SVIL: variants seen among roughly 807,000 people sequenced by gnomAD.
The protein encoded by SVIL is archvillin.
In SVIL, 101 loss-of-function variants were observed where a neutral mutation model predicts 240.4. The observed-to-expected ratio is 0.42, with a 90% confidence interval of 0.36 to 0.50. The LOEUF is 0.50. SVIL is among the 20% of genes least tolerant of loss of function. The pLI, the probability that SVIL is intolerant of heterozygous loss-of-function variation, is 0.01. For synonymous variants in SVIL, 999 were observed against 1,100.0 expected, an observed-to-expected ratio of 0.91 and a Z score of 1.82; for missense variants, 2,512 against 2,818.7, an observed-to-expected ratio of 0.89 and a Z score of 2.46.
Position 29,465,734 on chromosome 10 carries a change from G to C in SVIL, c.5994C>G (p.Asn1998Lys). ...TGAGGATGAACAGGCGGGGCGCGAA[G>C]TTAAAACTTCCAGGATCTTTGAAAG... Reference protein sequence around the residue: ...DCMLQDPGSFNFAPRLFILSS... With the variant: ...DCMLQDPGSFKFAPRLFILSS... The change falls in exon 34 of 38, where the codon AAC (asparagine) becomes AAG (lysine). Residue 1998 changes from asparagine to lysine, a missense_variant. Transcript: ENST00000355867. 4 of 1,612,488 alleles carry C rather than the reference G, an allele frequency of 2.5e-6. No individual in the cohort carries two copies. The highest frequency in any genetic ancestry group is 3.4e-6 in the Non-Finnish European group (4 of 1,179,968).
intron 1 of SVIL, among the ~76,000 whole-genome samples, chr10:29,729,987 C>T (rs963506439): frequency 1.3e-5 from 2 of 151,048 alleles, no homozygotes; most frequent in Non-Finnish European, 2.9e-5. Flanking sequence ...CCAGGGAGCT[C>T]GAGACCAGCC....
At chr10:29,557,300 G>A (rs1954024774) in intron 3 of SVIL, among the ~76,000 whole-genome samples, 1 of 152,106 alleles carries the variant, frequency 6.6e-6, no homozygotes, top group South Asian at 2.1e-4. Flanking sequence ...GTTTCGCTAT[G>A]TTATCCAGGA....
intron 17 of SVIL, among the ~76,000 whole-genome samples, chr10:29,511,650 T>C (rs1387646908): frequency 1.3e-5 from 2 of 152,246 alleles, no homozygotes; most frequent in Non-Finnish European, 2.9e-5. Flanking sequence ...ACTTTCTAAA[T>C]ATCTAGTTAT....
At chr10:29,568,676 T>C (rs947657010) in intron 2 of SVIL, among the ~76,000 whole-genome samples, 3 of 152,134 alleles carry the variant, frequency 2.0e-5, no homozygotes, top group African/African-American at 7.2e-5. Context: ...ATTAGGTCAA[T>C]CAAATTAGCA....
intron 1 of SVIL, among the ~76,000 whole-genome samples, chr10:29,693,198 C>T (rs189403882): frequency 8.6e-5 from 13 of 151,812 alleles, no homozygotes; most frequent in Admixed American, 7.2e-4. Context: ...AACAGCTAAC[C>T]AACTTGCCCA....
chr10:29,549,856 A>G (rs1431603388), intron 6 of SVIL, among the ~76,000 whole-genome samples: 7 of 106,944 alleles, frequency 6.5e-5, no homozygotes, highest in Admixed American at 2.6e-4. Flanking sequence ...GGAACATCAC[A>G]CTCTGGGGAC....
At chr10:29,572,272 A>C (rs1046561298) in intron 1 of SVIL, among the ~76,000 whole-genome samples, 2 of 152,218 alleles carry the variant, frequency 1.3e-5, no homozygotes, top group Non-Finnish European at 2.9e-5. Context: ...AACTCATTAC[A>C]TTATAGTCAT....
chr10:29,463,668 G>A, intron 34 of SVIL, 33 bp from the exon 35 acceptor site: 2 of 1,608,136 alleles, frequency 1.2e-6, no homozygotes, highest in Non-Finnish European at 1.7e-6. Flanking sequence ...AGACCATCAG[G>A]AGCTCCTTCA....
rs199951450 is a variant in SVIL at position 29,532,631 on chromosome 10, T to G, written c.1736A>C (p.Glu579Ala). The change falls in exon 8 of 38, where the codon GAA becomes GCA. Residue 579 changes from glutamate to alanine, a missense_variant. Transcript: ENST00000355867. ...CATGCTGATCTCCCCATAAGGCCCTTCGGTCTTGGAGCTGGGCAGCTCCAG... is the reference window on the plus strand; with the variant it reads ...CATGCTGATCTCCCCATAAGGCCCTGCGGTCTTGGAGCTGGGCAGCTCCAG... ...RELELPSSKTEGPYGEISMLD... is the reference protein window; with the variant it reads ...RELELPSSKTAGPYGEISMLD... 60 of 1,614,084 alleles carry G rather than the reference T, an allele frequency of 3.7e-5. No individual in the cohort carries two copies. In the East Asian group the frequency reaches 1.1e-3, roughly 31 times the overall value.
At chr10:29,590,642 T>G (rs1442871629) in intron 1 of SVIL, among the ~76,000 whole-genome samples, 1 of 152,192 alleles carries the variant, frequency 6.6e-6, no homozygotes, top group African/African-American at 2.4e-5. Flanking sequence ...TTTATATGTT[T>G]TATATTTAAG....
intron 3 of SVIL, among the ~76,000 whole-genome samples, chr10:29,560,901 T>C (rs1321801556): frequency 6.0e-5 from 9 of 150,170 alleles, no homozygotes; most frequent in African/African-American, 2.0e-4. Flanking sequence ...TGCAGTGGCA[T>C]GATCTTGGCT....
At chr10:29,579,534 CCAG>C in intron 1 of SVIL, among the ~76,000 whole-genome samples, 1 of 152,284 alleles carries the variant, frequency 6.6e-6, no homozygotes, top group Admixed American at 6.5e-5. Flanking sequence ...CAGTATGAGT[CCAG>C]GTGAGACGTG....
intron 1 of SVIL, among the ~76,000 whole-genome samples, chr10:29,625,292 C>T (rs1367300118): frequency 6.6e-6 from 1 of 152,098 alleles, no homozygotes; most frequent in African/African-American, 2.4e-5. Flanking sequence ...AAAGTGGATC[C>T]AATGATTTAT....
chr10:29,595,560 G>A (rs955316571), intron 1 of SVIL, among the ~76,000 whole-genome samples: 2 of 152,224 alleles, frequency 1.3e-5, no homozygotes, highest in African/African-American at 2.4e-5. Context: ...TTCACTAATC[G>A]TTTTCTTAAT....
chr10:29,692,024 C>T (rs1388619239), intron 1 of SVIL, among the ~76,000 whole-genome samples: 5 of 152,152 alleles, frequency 3.3e-5, no homozygotes, highest in East Asian at 3.9e-4. Flanking sequence ...GAATCCCTGC[C>T]GCAGCTCACT....
At position 29,484,697 on chromosome 10, in the gene SVIL, G is replaced by A. The variant is rs750874822; in HGVS notation, c.4914C>T (p.Ile1638=). The A allele has an allele frequency of 9.3e-6, 15 of 1,613,850 alleles. No individual in the cohort carries two copies. The African/African-American group carries it at 1.3e-4, about 14-fold the overall frequency. The change falls in exon 27 of 38, where the codon ATC becomes ATT. Residue 1638 remains isoleucine (I), a synonymous_variant. Coordinates refer to ENST00000355867, the MANE Select transcript of SVIL (RefSeq NM_021738.3). This position sits in a 1 kb window ranked among gnomAD's most constrained non-coding sequence, Gnocchi z 4.7. ...NGTFDYENCD[I]NPLDPGECNP... is the part of the protein sequence containing the mutation. Reference sequence around the variant, plus strand: ...TGCATTCTCCAGGATCCAGGGGATTGATGTCACAGTTCTCATAGTCAAAGG... The same window carrying A: ...TGCATTCTCCAGGATCCAGGGGATTAATGTCACAGTTCTCATAGTCAAAGG...
intron 1 of SVIL, among the ~76,000 whole-genome samples, chr10:29,727,349 G>A (rs1016527854): frequency 2.6e-5 from 4 of 151,870 alleles, no homozygotes; most frequent in Admixed American, 1.3e-4. Flanking sequence ...CTGTGGCCTC[G>A]AACTCCTGGG....
chr10:29,614,026 C>G (rs979738021), intron 1 of SVIL, among the ~76,000 whole-genome samples: 2 of 152,158 alleles, frequency 1.3e-5, no homozygotes, highest in Non-Finnish European at 2.9e-5. Context: ...CTGAGCTCAG[C>G]CTCCTCAGGA....
At chr10:29,469,318 TCTC>T (rs1323280181) in intron 32 of SVIL, among the ~76,000 whole-genome samples, 1 of 152,112 alleles carries the variant, frequency 6.6e-6, no homozygotes, top group Non-Finnish European at 1.5e-5. Context: ...CCTGCCCCGT[TCTC>T]CTCTCTGCCC....
Sources: allele counts gnomAD v4.1 joint callset (sites outside exome capture counted in the v4.1 genomes callset), GRCh38; gene constraint gnomAD v4.1.1; non-coding constraint Gnocchi (gnomAD v3.1); transcripts MANE v1.5; gene names NCBI Gene and HGNC (gene_info 2026-07-23, HGNC 2026-07-21).